Variants in CDKL1 observed in about 807,000 individuals in gnomAD.
CDKL1 encodes the protein cyclin dependent kinase like 1.
A neutral mutation model predicts 42.0 loss-of-function variants in CDKL1; 41 were observed. The ratio of observed to expected loss-of-function variants is 0.98; its 90% confidence interval spans 0.76 to 1.27. CDKL1 has a LOEUF of 1.27. CDKL1 is among the 50% of genes most tolerant of loss of function. CDKL1 has a pLI of 0.00. For synonymous variants in CDKL1, 153 were observed against 158.6 expected (o/e 0.96, Z 0.26); for missense variants, 394 against 428.4 (o/e 0.92, Z 0.71).
intron 9 of CDKL1, chr14:50,330,395 A>C: frequency 4.0e-6 from 2 of 498,428 alleles, no homozygotes; most frequent in Non-Finnish European, 6.7e-6. Flanking sequence ...TTCACATTAA[A>C]GAAGATTTAG....
intron 8 of CDKL1, chr14:50,332,645 A>C: frequency 6.5e-7 from 1 of 1,527,738 alleles, no homozygotes; most frequent in Non-Finnish European, 8.8e-7. Context: ...GTAATGAAAA[A>C]TCATTTTCTC....
intron 2 of CDKL1, among the ~76,000 whole-genome samples, chr14:50,391,449 C>A (rs1254555388): frequency 6.6e-6 from 1 of 152,214 alleles, no homozygotes; most frequent in Non-Finnish European, 1.5e-5. Context: ...GGGGCACGAT[C>A]TCAGTTCACT....
At chr14:50,359,206 A>C in intron 2 of CDKL1, 57 bp from the exon 3 acceptor site, 1 of 1,554,426 alleles carries the variant, frequency 6.4e-7, no homozygotes, top group African/African-American at 1.4e-5. Flanking sequence ...AGCTTTCTCT[A>C]ATCTTGATCC....
chr14:50,326,797 T>G lies in CDKL1; in HGVS notation c.*3277A>C. ...GGCTCGTGCCTGTAATCCCAGTGCT[T>G]TGGGAGGCTGAGGTGGGAGGATCAC... On this transcript the variant is annotated 3_prime_UTR_variant, in exon 10 of 10. Coordinates refer to ENST00000395834, the MANE Select transcript of CDKL1 (RefSeq NM_004196.7). The G allele has an allele frequency of 1.0e-6, 1 of 970,974 alleles. No homozygotes were observed. Among genetic ancestry groups the G allele is most frequent in the South Asian group, 4.8e-5 (1 of 20,920 alleles). 60.1% of individuals were successfully genotyped at this position (970,974 alleles called of 1,614,324 possible).
At chr14:50,359,431 C>T (rs910345493) in intron 2 of CDKL1, among the ~76,000 whole-genome samples, 2 of 151,986 alleles carry the variant, frequency 1.3e-5, no homozygotes, top group Non-Finnish European at 2.9e-5. Flanking sequence ...AATACAAACT[C>T]AGCTTTCAAG....
intron 3 of CDKL1, chr14:50,358,182 G>C: frequency 1.6e-6 from 2 of 1,285,838 alleles, no homozygotes; most frequent in Non-Finnish European, 1.0e-6. Context: ...CGGAGCCCCC[G>C]GAGTCACTCC....
At chr14:50,379,192 T>C (rs1006930936) in intron 2 of CDKL1, among the ~76,000 whole-genome samples, 12 of 152,060 alleles carry the variant, frequency 7.9e-5, no homozygotes, top group African/African-American at 2.7e-4. Context: ...TCTTTGAAGG[T>C]TGGGCTTTTA....
chr14:50,349,769 TTTTTG>T (rs1471209384), intron 3 of CDKL1, among the ~76,000 whole-genome samples: 2 of 151,856 alleles, frequency 1.3e-5, no homozygotes, highest in African/African-American at 4.9e-5. Context: ...TGTTGTTTGT[TTTTTG>T]TTTTGTTTTT....
rs372426508 is a variant in CDKL1 at position 50,378,583 on chromosome 14, G to C, written c.168+17118C>G. On this transcript the variant is annotated intron_variant, in intron 2 of 9. Transcript: ENST00000395834. Reference sequence around the variant, plus strand: ...GGGTCATAATCTGTCATCCAGGCTGGAGTGCAGTGGCATGATCATCGCTCC... The same window carrying C: ...GGGTCATAATCTGTCATCCAGGCTGCAGTGCAGTGGCATGATCATCGCTCC... Among the ~76,000 whole-genome samples, 411 of 152,232 alleles carry C rather than the reference G, an allele frequency of 2.7e-3. 3 individuals carry two copies. Among genetic ancestry groups the C allele is most frequent in the South Asian group, 0.018 (88 of 4,812 alleles).
chr14:50,384,669 G>T (rs973800666), intron 2 of CDKL1, among the ~76,000 whole-genome samples: 2 of 145,724 alleles, frequency 1.4e-5, no homozygotes, highest in Non-Finnish European at 3.0e-5. Context: ...GGGCAGAGGG[G>T]AAGAAAATCT....
chr14:50,339,139 G>T, intron 6 of CDKL1, 110 bp from the exon 7 acceptor site: 1 of 764,728 alleles, frequency 1.3e-6, no homozygotes, highest in Non-Finnish European at 2.3e-6. Flanking sequence ...GGACACTGCA[G>T]TGTTCTTGGG....
intron 2 of CDKL1, among the ~76,000 whole-genome samples, chr14:50,386,798 T>C (rs1168896681): frequency 1.3e-5 from 2 of 151,888 alleles, no homozygotes; most frequent in African/African-American, 4.8e-5. Context: ...CAGTGGCTCA[T>C]GTCTGTAATC....
At chr14:50,392,761 T>C (rs539006136) in intron 2 of CDKL1, among the ~76,000 whole-genome samples, 1 of 152,282 alleles carries the variant, frequency 6.6e-6, no homozygotes, top group East Asian at 1.9e-4. Context: ...ACAAGTCTCC[T>C]TGGGTTCACA....
At chr14:50,388,694 C>A (rs2035159966) in intron 2 of CDKL1, among the ~76,000 whole-genome samples, 1 of 152,208 alleles carries the variant, frequency 6.6e-6, no homozygotes, top group Non-Finnish European at 1.5e-5. Flanking sequence ...AGCAAAAAAT[C>A]AGCAAAGCAA....
chr14:50,338,070 T>G (rs895025610), intron 7 of CDKL1, among the ~76,000 whole-genome samples: 3 of 152,188 alleles, frequency 2.0e-5, no homozygotes, highest in Non-Finnish European at 4.4e-5. Context: ...TTTATGCTCT[T>G]GGATTATGGT....
Position 50,389,055 on chromosome 14 carries a change from C to A in CDKL1, c.168+6646G>T, listed in dbSNP as rs1336059884. Among the ~76,000 whole-genome samples, 5 of 135,744 alleles carry A rather than the reference C, an allele frequency of 3.7e-5. No homozygotes were observed. The Admixed American group carries it at 4.0e-4, about 11-fold the overall frequency. The allele number at this position is 135,744 out of a possible 152,430, so 89.1% of individuals were successfully genotyped here. ...CAGAGGTTGCAGTGAGCCGAGATTG[C>A]GCTATTGCACTCCAGCCTGGGCAGC... On this transcript the variant is annotated intron_variant, in intron 2 of 9. Transcript: ENST00000395834.
chr14:50,339,146 T>C lies in CDKL1; in HGVS notation c.656-117A>G, dbSNP rs891084223. 6 of 740,420 alleles carry C rather than the reference T, an allele frequency of 8.1e-6. No homozygotes were observed. In the East Asian group the frequency reaches 1.3e-4, roughly 16 times the overall value. 45.9% of individuals were successfully genotyped at this position (740,420 alleles called of 1,614,324 possible). On this transcript the variant is annotated intron_variant, in intron 6 of 9. Coordinates refer to ENST00000395834, the MANE Select transcript of CDKL1 (RefSeq NM_004196.7). ...ATATGCATGGACACTGCAGTGTTCT[T>C]GGGCAATCAGAAGGAGAGGCATTCA...
chr14:50,336,004 A>G, intron 7 of CDKL1: 2 of 1,366,724 alleles, frequency 1.5e-6, no homozygotes, highest in Non-Finnish European at 2.0e-6. Flanking sequence ...CATGCTCCAT[A>G]GCTTAAATAT....
At chr14:50,332,171 G>A (rs1767952127) in intron 9 of CDKL1, 91 bp downstream of exon 9, 2 of 1,613,864 alleles carry the variant, frequency 1.2e-6, no homozygotes, top group African/African-American at 2.7e-5. Flanking sequence ...GAATGAGGAT[G>A]CTGGAGCTGA....
Sources: gnomAD v4.1 joint callset for allele counts (sites outside exome capture counted in the v4.1 genomes callset) on GRCh38, gnomAD v4.1.1 for gene constraint, MANE v1.5 for transcripts, NCBI Gene and HGNC (gene_info 2026-07-23, HGNC 2026-07-21) for gene names.